The following SGSM1 variants were observed in gnomAD, a reference collection of about 807,000 sequenced individuals.
SGSM1 encodes the protein RUN and TBC1 domain containing 2.
A neutral mutation model predicts 133.8 loss-of-function variants in SGSM1; 73 were observed. The ratio of observed to expected loss-of-function variants is 0.55; its 90% CI spans 0.45 to 0.66. The LOEUF (loss-of-function observed/expected upper bound fraction) is 0.66, where lower values mean the gene tolerates loss of function less well. Ranked by LOEUF, SGSM1 falls within the 30% of genes least tolerant of loss-of-function variation. The pLI, the probability that SGSM1 is intolerant of heterozygous loss-of-function variation, is 0.00. For synonymous variants in SGSM1, 563 were observed against 573.0 expected (o/e 0.98, Z 0.25); for missense variants, 1,213 against 1,448.1 (o/e 0.84, Z 2.64).
chr22:24,813,623 G>A (rs917126964), intron 2 of SGSM1: 4 of 152,086 alleles, frequency 2.6e-5, no homozygotes, highest in African/African-American at 9.7e-5. Flanking sequence ...GGGCAGAAAC[G>A]CTCCTCATGA....
intron 8 of SGSM1, among the ~76,000 whole-genome samples, chr22:24,858,807 T>C (rs1487412251): frequency 6.6e-6 from 1 of 152,198 alleles, no homozygotes; most frequent in Non-Finnish European, 1.5e-5. Flanking sequence ...CAGTCAAATC[T>C]TTTTGAAGAC....
At chr22:24,905,359 C>T (rs1236454533) in intron 21 of SGSM1, among the ~76,000 whole-genome samples, 172 bp downstream of exon 21, 1 of 152,156 alleles carries the variant, frequency 6.6e-6, no homozygotes, top group Non-Finnish European at 1.5e-5. Flanking sequence ...CCTTATATTC[C>T]ATGGTGCCCC....
intron 16 of SGSM1, among the ~76,000 whole-genome samples, chr22:24,887,367 G>A (rs1932674781): frequency 6.6e-6 from 1 of 152,128 alleles, no homozygotes; most frequent in Non-Finnish European, 1.5e-5. Flanking sequence ...AGTGTGTAAT[G>A]TTTTGGGATT....
At chr22:24,831,974 C>T (rs1929144020) in intron 2 of SGSM1, among the ~76,000 whole-genome samples, 1 of 152,202 alleles carries the variant, frequency 6.6e-6, no homozygotes, top group South Asian at 2.1e-4. Context: ...TGGCTGGGTG[C>T]ATCATTCATC....
At chr22:24,858,635 C>CAAAAAAAA (rs139699) in intron 8 of SGSM1, among the ~76,000 whole-genome samples, 44 of 83,016 alleles carry the variant, frequency 5.3e-4, no homozygotes, top group African/African-American at 1.5e-3. Context: ...GACTCCATCT[C>CAAAAAAAA]AAAAAAAAAA....
chr22:24,912,856 CAGGTTTGT>C, intron 22 of SGSM1, 104 bp downstream of exon 22: 1 of 710,360 alleles, frequency 1.4e-6, no homozygotes, highest in Non-Finnish European at 2.4e-6. Flanking sequence ...GATTGGAATC[CAGGTTTGT>C]ATTTCTGCCA....
chr22:24,885,279 A>T (rs1442916095), intron 15 of SGSM1, among the ~76,000 whole-genome samples: 2 of 152,066 alleles, frequency 1.3e-5, no homozygotes, highest in African/African-American at 4.8e-5. Context: ...ATTGCAAGAT[A>T]ATATTTTCAA....
At chr22:24,861,764 T>A (rs1240864194) in intron 9 of SGSM1, among the ~76,000 whole-genome samples, 1 of 151,686 alleles carries the variant, frequency 6.6e-6, no homozygotes, top group Non-Finnish European at 1.5e-5. Flanking sequence ...GCCAGGCTGG[T>A]CTCGACTCCT....
rs568110112 is a variant in SGSM1 at position 24,855,485 on chromosome 22, CA to C, written c.669+56del. 7.4e-5 allele frequency: 120 copies of C among 1,612,954 alleles called. 1 individual carries two copies. The Admixed American group carries it at 1.1e-3, about 15-fold the overall frequency. ...AGGGACCTTACATGAGGGCAGGAAG[CA>C]GGGTAGGAGCCCTGAAAATCACCCC... On this transcript the variant is annotated intron_variant, in intron 7 of 24. Transcript: ENST00000400358.
intron 16 of SGSM1, among the ~76,000 whole-genome samples, chr22:24,887,463 A>G (rs1932681871): frequency 1.3e-5 from 2 of 152,130 alleles, no homozygotes; most frequent in Admixed American, 6.6e-5. Flanking sequence ...GTAGTATTCC[A>G]TGATGTGGCT....
chr22:24,863,836 G>C (rs1931298458), intron 9 of SGSM1, among the ~76,000 whole-genome samples: 1 of 151,208 alleles, frequency 6.6e-6, no homozygotes, highest in African/African-American at 2.4e-5. Context: ...CCGCCTCCCA[G>C]GTTCAAGCGA....
At chr22:24,821,981 G>A (rs1009351256) in intron 2 of SGSM1, among the ~76,000 whole-genome samples, 1 of 151,834 alleles carries the variant, frequency 6.6e-6, no homozygotes, top group African/African-American at 2.4e-5. Flanking sequence ...TGTGCGTTGT[G>A]TAGGCTTAGA....
At position 24,819,808 on chromosome 22, in the gene SGSM1, T is replaced by C. The variant is rs148867638; in HGVS notation, c.63+13324T>C. On this transcript the variant is annotated intron_variant, in intron 2 of 24. Coordinates refer to ENST00000400358, the MANE Select transcript of SGSM1 (RefSeq NM_001098497.3). ...GTCAGATGGAGGTGGTTAGTCCTTA[T>C]CTAGAAAGGTGATAAGTGCTTTCTG... Among the ~76,000 whole-genome samples the C allele has an allele frequency of 9.8e-4, 149 of 152,346 alleles. 1 individual carries two copies. Among genetic ancestry groups the C allele is most frequent in the African/African-American group, 3.3e-3 (138 of 41,568 alleles).
At chr22:24,896,964 G>A (rs547874445) in intron 18 of SGSM1, among the ~76,000 whole-genome samples, 4 of 150,728 alleles carry the variant, frequency 2.7e-5, no homozygotes, top group South Asian at 4.2e-4. Flanking sequence ...GCAACAGAGC[G>A]AGACTCCATC....
intron 2 of SGSM1, among the ~76,000 whole-genome samples, chr22:24,824,890 C>G (rs1759909027): frequency 6.6e-6 from 1 of 152,202 alleles, no homozygotes; most frequent in Admixed American, 6.5e-5. Context: ...TATATCTTTC[C>G]ATCTCCCTGG....
chr22:24,852,068 C>G (rs1471125234), intron 5 of SGSM1, among the ~76,000 whole-genome samples: 1 of 152,190 alleles, frequency 6.6e-6, no homozygotes, highest in Non-Finnish European at 1.5e-5. Flanking sequence ...TGTCAACCTG[C>G]TTTTTTTCCA....
chr22:24,854,947 G>C (rs755935002), intron 5 of SGSM1, 49 bp from the exon 6 acceptor site: 1 of 1,485,604 alleles, frequency 6.7e-7, no homozygotes, highest in Non-Finnish European at 9.3e-7. Flanking sequence ...TGGATTGTGC[G>C]TCCTCTGCTG....
At chr22:24,815,803 T>G (rs1171669604) in intron 2 of SGSM1, among the ~76,000 whole-genome samples, 1 of 151,990 alleles carries the variant, frequency 6.6e-6, no homozygotes, top group Non-Finnish European at 1.5e-5. Context: ...AAGCAGGTGG[T>G]GGGTTATGCA....
At chr22:24,835,275 C>G (rs1036585093) in intron 2 of SGSM1, among the ~76,000 whole-genome samples, 1 of 152,130 alleles carries the variant, frequency 6.6e-6, no homozygotes, top group African/African-American at 2.4e-5. Context: ...GAGCACACAC[C>G]GTGTACCAAG....
Sources: gnomAD v4.1 joint callset for allele counts (sites outside exome capture counted in the v4.1 genomes callset) on GRCh38, gnomAD v4.1.1 for gene constraint, MANE v1.5 for transcripts, NCBI Gene and HGNC (gene_info 2026-07-23, HGNC 2026-07-21) for gene names.